Variants in KLHL7 observed in about 807,000 individuals in gnomAD.
KLHL7 encodes kelch like family member 7.
A neutral mutation model predicts 67.4 loss-of-function variants in KLHL7; 44 were observed. That is an observed-to-expected ratio of 0.65 (90% CI 0.51 to 0.84). The LOEUF (loss-of-function observed/expected upper bound fraction) is 0.84. Among genes scored for constraint, KLHL7 ranks in the 40% least tolerant of loss-of-function variants. The pLI is 0.00. For missense variants in KLHL7, 362 were observed against 718.1 expected, an observed-to-expected ratio of 0.50 and a Z score of 5.67; for synonymous variants, 252 against 243.3, an observed-to-expected ratio of 1.04 and a Z score of -0.33.
At chr7:23,171,866 C>A (rs943153136) in intron 9 of KLHL7, among the ~76,000 whole-genome samples, 1 of 152,156 alleles carries the variant, frequency 6.6e-6, no homozygotes, top group South Asian at 2.1e-4. Flanking sequence ...CCTGCCGCCA[C>A]GCCTGGCTAA....
Position 23,105,813 on chromosome 7 carries a change from G to T in KLHL7, c.-214G>T, listed in dbSNP as rs771001790. 1.5e-6 allele frequency: 1 copy of T among 650,008 alleles called. No homozygotes were observed. The highest frequency in any genetic ancestry group is 2.6e-6 in the Non-Finnish European group (1 of 380,742). The allele number at this position is 650,008 out of a possible 1,614,324, so 40.3% of individuals were successfully genotyped here. A position where few individuals can be genotyped will look rare whatever the true frequency, so the allele number is the denominator to read the frequency against. The stretch of plus-strand genomic sequence containing the variant: ...TTCTGCCCGGGGACGCAGCCCAGTT[G>T]GTAGCGTCGCTCCCTGAGCGTTTCT... On this transcript the variant is annotated 5_prime_UTR_variant, in exon 1 of 11. Coordinates refer to ENST00000339077, the MANE Select transcript of KLHL7 (RefSeq NM_001031710.3).
intron 5 of KLHL7, 27 bp from the exon 6 acceptor site, chr7:23,143,824 C>A: frequency 6.2e-7 from 1 of 1,612,172 alleles, no homozygotes; most frequent in South Asian, 1.1e-5. Flanking sequence ...CTTCTAAGAA[C>A]TTTACTGTGC....
chr7:23,172,427 A>G (rs975569635), intron 9 of KLHL7, among the ~76,000 whole-genome samples: 1 of 152,202 alleles, frequency 6.6e-6, no homozygotes, highest in Non-Finnish European at 1.5e-5. Flanking sequence ...TTCTTAGTGT[A>G]GATTTAAAGA....
At position 23,175,953 on chromosome 7, in the gene KLHL7, T is replaced by TAAAAAAAAAAAAAAAAA. The variant is rs57658434; in HGVS notation, c.*1664_*1680dup. ...CCCAGCCTGGGCAACAGAGCAAGAC[T>TAAAAAAAAAAAAAAAAA]AAAAAAAAAAAAAAAAAAAAAAAAA... On this transcript the variant is annotated 3_prime_UTR_variant, in exon 11 of 11. Coordinates refer to ENST00000339077, the MANE Select transcript of KLHL7 (RefSeq NM_001031710.3). The TAAAAAAAAAAAAAAAAA allele has an allele frequency of 1.7e-5, 1 of 60,500 alleles. No individual in the cohort carries two copies. The highest frequency in any genetic ancestry group is 7.1e-5 in the African/African-American group (1 of 14,156). The allele number at this position is 60,500 out of a possible 1,614,324, so 3.7% of individuals were successfully genotyped here. A position where few individuals can be genotyped will look rare whatever the true frequency, so the allele number is the denominator to read the frequency against.
intron 7 of KLHL7, among the ~76,000 whole-genome samples, chr7:23,155,106 T>C (rs1408602749): frequency 6.6e-6 from 1 of 152,182 alleles, no homozygotes; most frequent in Non-Finnish European, 1.5e-5. Flanking sequence ...CAGACATCAA[T>C]TTCTGGTCTA....
At position 23,124,919 on chromosome 7, in the gene KLHL7, C is replaced by A. The variant is rs374117429; in HGVS notation, c.318-129C>A. On this transcript the variant is annotated intron_variant, in intron 3 of 10. Coordinates refer to ENST00000339077, the MANE Select transcript of KLHL7 (RefSeq NM_001031710.3). ...GATGGAAGAGTTTCAGTATCCTATGCCATACTAATTCAAGGACTGAAAGTT... is the reference window on the plus strand; with the variant it reads ...GATGGAAGAGTTTCAGTATCCTATGACATACTAATTCAAGGACTGAAAGTT... 3.7e-6 allele frequency: 4 copies of A among 1,074,188 alleles called. No homozygotes were observed. In the Admixed American group the frequency reaches 5.9e-5, roughly 16 times the overall value. 66.5% of individuals were successfully genotyped at this position (1,074,188 alleles called of 1,614,324 possible).
intron 2 of KLHL7, among the ~76,000 whole-genome samples, 173 bp downstream of exon 2, chr7:23,124,052 C>G (rs1048716284): frequency 2.0e-5 from 3 of 151,896 alleles, no homozygotes; most frequent in Non-Finnish European, 4.4e-5. Context: ...AATGTCCTTT[C>G]ATTAGACCTA....
chr7:23,107,009 G>A (rs528208558), intron 1 of KLHL7, among the ~76,000 whole-genome samples: 2 of 152,348 alleles, frequency 1.3e-5, no homozygotes, highest in East Asian at 3.9e-4. Context: ...AAAGCAGGAT[G>A]TGAGTTATGT....
chr7:23,123,049 A>C (rs1372165798), intron 1 of KLHL7, among the ~76,000 whole-genome samples: 1 of 152,054 alleles, frequency 6.6e-6, no homozygotes, highest in Non-Finnish European at 1.5e-5. Flanking sequence ...TAAGCCTTAA[A>C]TTTTTTCTTT....
At chr7:23,120,842 T>G (rs1379892792) in intron 1 of KLHL7, among the ~76,000 whole-genome samples, 1 of 152,178 alleles carries the variant, frequency 6.6e-6, no homozygotes, top group East Asian at 1.9e-4. Flanking sequence ...GGATTACAGA[T>G]GTAACCCACT....
rs573867633 is a variant in KLHL7, at chr7:23,174,893, C to A, written c.*595C>A. Reference sequence around the variant, plus strand: ...AACAGATTTGGGGGTTTAATATGTCCAACTCCTCATGAAATATATTCAATC... The same window carrying A: ...AACAGATTTGGGGGTTTAATATGTCAAACTCCTCATGAAATATATTCAATC... On this transcript the variant is annotated 3_prime_UTR_variant, in exon 11 of 11. Coordinates refer to ENST00000339077, the MANE Select transcript of KLHL7 (RefSeq NM_001031710.3). 2.2e-6 allele frequency: 1 copy of A among 454,408 alleles called. No individual in the cohort carries two copies. The highest frequency in any genetic ancestry group is 2.4e-5 in the Admixed American group (1 of 42,552). The allele number at this position is 454,408 out of a possible 1,614,324, so 28.1% of individuals were successfully genotyped here.
In KLHL7 at chr7:23,106,126, A is replaced by T; in HGVS notation, c.100A>T (p.Met34Leu). Residue 34 changes from methionine (M) to leucine (L), a missense_variant, in exon 1 of 11, where the codon ATG becomes TTG. Around this residue, in one of 5 missense-constraint regions of KLHL7, gnomAD observed 57 missense variants for 81.7 expected, o/e 0.70. Transcript: ENST00000339077. ...AKLLAGFMGV[M>L]NNMRKQKTLC... The stretch of plus-strand genomic sequence containing the variant: ...ATTGTTGGCGGGTTTCATGGGCGTC[A>T]TGAATAACATGCGGAAACAGGTACC... 1.9e-6 allele frequency: 3 copies of T among 1,610,692 alleles called. No individual in the cohort carries two copies. Among genetic ancestry groups the T allele is most frequent in the Non-Finnish European group, 2.5e-6 (3 of 1,178,650 alleles).
chr7:23,128,422 T>TAAAAAA (rs201757686), intron 4 of KLHL7, among the ~76,000 whole-genome samples: 6 of 116,864 alleles, frequency 5.1e-5, no homozygotes, highest in East Asian at 2.7e-4. Flanking sequence ...TCTTTGGGTT[T>TAAAAAA]AAAAAAAAAA....
In KLHL7 at chr7:23,124,633, T is replaced by A. The variant is rs1263764410; in HGVS notation, c.224-55T>A. ...ACATGGCCTGGAATGCCGTGGTTCC[T>A]CAGTCAAACTTGTGGTAGTACAGAT... On this transcript the variant is annotated intron_variant, in intron 2 of 10. Coordinates refer to ENST00000339077, the MANE Select transcript of KLHL7 (RefSeq NM_001031710.3). 4.8e-6 allele frequency: 5 copies of A among 1,045,954 alleles called. No individual in the cohort carries two copies. In the East Asian group the frequency reaches 1.2e-4, roughly 25 times the overall value. The allele number at this position is 1,045,954 out of a possible 1,614,324, so 64.8% of individuals were successfully genotyped here.
At chr7:23,162,580 T>C (rs923289162) in intron 7 of KLHL7, among the ~76,000 whole-genome samples, 1 of 152,214 alleles carries the variant, frequency 6.6e-6, no homozygotes, top group Admixed American at 6.5e-5. Context: ...ATACAGAGCC[T>C]GGCTTCATAC....
chr7:23,115,999 A>G (rs1783072522), intron 1 of KLHL7, among the ~76,000 whole-genome samples: 1 of 152,190 alleles, frequency 6.6e-6, no homozygotes, highest in Non-Finnish European at 1.5e-5. Context: ...GTTCCTGGCA[A>G]CCTAATGCTG....
chr7:23,118,901 G>C (rs552837091), intron 1 of KLHL7, among the ~76,000 whole-genome samples: 3 of 151,840 alleles, frequency 2.0e-5, no homozygotes, highest in African/African-American at 7.2e-5. Context: ...GTGAGACCTC[G>C]TCTCTACAAA....
chr7:23,138,521 A>G (rs1333968158), intron 4 of KLHL7, among the ~76,000 whole-genome samples: 1 of 150,392 alleles, frequency 6.6e-6, no homozygotes, highest in Non-Finnish European at 1.5e-5. Flanking sequence ...CCTCAGAAAC[A>G]ATCAAAAAAG....
At chr7:23,155,452 C>T (rs946050803) in intron 7 of KLHL7, among the ~76,000 whole-genome samples, 2 of 152,072 alleles carry the variant, frequency 1.3e-5, no homozygotes, top group African/African-American at 4.8e-5. Flanking sequence ...CACCTGAGGT[C>T]AGGAGTTTGA....
Sources: allele counts gnomAD v4.1 joint callset (sites outside exome capture counted in the v4.1 genomes callset), GRCh38; gene constraint gnomAD v4.1.1; regional missense constraint gnomAD v4.1.1; transcripts MANE v1.5; gene names NCBI Gene and HGNC (gene_info 2026-07-23, HGNC 2026-07-21).